Variants in GNG12 observed in about 807,000 individuals in gnomAD.
GNG12 encodes the protein guanine nucleotide-binding protein G(I)/G(S)/G(O) subunit gamma-12.
For missense variants in GNG12, 69 were observed against 83.8 expected (o/e 0.82, Z 0.69); for synonymous variants, 28 against 29.7 (o/e 0.94, Z 0.19).
chr1:67,815,123 T>C (rs1332650639), intron 1 of GNG12, among the ~76,000 whole-genome samples: 1 of 152,152 alleles, frequency 6.6e-6, no homozygotes, highest in African/African-American at 2.4e-5. Flanking sequence ...TACATGTGGA[T>C]TGGAAATTCA....
At chr1:67,753,561 T>C (rs540581185) in intron 2 of GNG12, among the ~76,000 whole-genome samples, 1 of 152,286 alleles carries the variant, frequency 6.6e-6, no homozygotes, top group African/African-American at 2.4e-5. Flanking sequence ...GCAGCCCCGA[T>C]ACCTTCCATG....
At chr1:67,773,876 T>A (rs1452392763) in intron 2 of GNG12, among the ~76,000 whole-genome samples, 1 of 152,092 alleles carries the variant, frequency 6.6e-6, no homozygotes. Flanking sequence ...GGAGGAGGGT[T>A]GTGAATATAT....
In GNG12 at chr1:67,740,916, T is replaced by C. The variant is rs567053021; in HGVS notation, c.-26-33204A>G. Among the ~76,000 whole-genome samples the C allele has an allele frequency of 1.4e-4, 22 of 152,334 alleles. No individual in the cohort carries two copies. In the South Asian group the frequency reaches 1.5e-3, roughly 10 times the overall value. ...TGTTGTTTATAAGCCATCCAATTTA[T>C]GGTATTTTTGCTGTTACAACCATGA... On this transcript the variant is annotated intron_variant, in intron 2 of 3. Coordinates refer to ENST00000370982, the MANE Select transcript of GNG12 (RefSeq NM_018841.6).
intron 2 of GNG12, chr1:67,772,555 T>C (rs1194961597): frequency 6.6e-6 from 1 of 152,236 alleles, no homozygotes; most frequent in Non-Finnish European, 1.5e-5. Context: ...CTCTCCTTTT[T>C]ATTATTTTTT....
chr1:67,795,664 T>G (rs1646827252), intron 1 of GNG12, among the ~76,000 whole-genome samples: 1 of 152,190 alleles, frequency 6.6e-6, no homozygotes, highest in Non-Finnish European at 1.5e-5. Flanking sequence ...GATACAAGGT[T>G]TATAGCAAAT....
chr1:67,830,906 A>G (rs1025741179), intron 1 of GNG12, among the ~76,000 whole-genome samples: 3 of 152,222 alleles, frequency 2.0e-5, no homozygotes, highest in African/African-American at 7.2e-5. Flanking sequence ...AATATCTAAT[A>G]ATTTTGACCA....
chr1:67,823,508 G>A (rs1451371077), intron 1 of GNG12, among the ~76,000 whole-genome samples: 3 of 152,198 alleles, frequency 2.0e-5, no homozygotes, highest in African/African-American at 7.2e-5. Flanking sequence ...AGAGATGTAT[G>A]CAAGAGGAAA....
chr1:67,806,312 T>C (rs564746636), intron 1 of GNG12, among the ~76,000 whole-genome samples: 2 of 152,208 alleles, frequency 1.3e-5, no homozygotes, highest in Non-Finnish European at 2.9e-5. Flanking sequence ...CAATGATATA[T>C]GTTTATGTGC....
intron 2 of GNG12, among the ~76,000 whole-genome samples, chr1:67,728,363 T>C (rs967532063): frequency 6.6e-6 from 1 of 152,190 alleles, no homozygotes; most frequent in Non-Finnish European, 1.5e-5. Context: ...GATTGCTCTG[T>C]CTGGTGCCTT....
chr1:67,774,320 C>T (rs1026157177), intron 2 of GNG12, among the ~76,000 whole-genome samples: 31 of 152,276 alleles, frequency 2.0e-4, no homozygotes, highest in African/African-American at 7.2e-4. Flanking sequence ...CTTTTCCTTC[C>T]CCACAGATTT....
At chr1:67,793,380 C>T (rs897380055) in intron 1 of GNG12, among the ~76,000 whole-genome samples, 4 of 152,094 alleles carry the variant, frequency 2.6e-5, no homozygotes, top group Non-Finnish European at 5.9e-5. Context: ...CTTTGATTTC[C>T]ATGTATTTCT....
intron 2 of GNG12, among the ~76,000 whole-genome samples, chr1:67,711,347 T>C (rs1017962602): frequency 6.6e-6 from 1 of 151,724 alleles, no homozygotes; most frequent in African/African-American, 2.4e-5. Flanking sequence ...ATTATGTATG[T>C]ACACACGGGA....
At chr1:67,798,782 C>T (rs1044500114) in intron 1 of GNG12, among the ~76,000 whole-genome samples, 4 of 151,986 alleles carry the variant, frequency 2.6e-5, no homozygotes, top group Non-Finnish European at 5.9e-5. Context: ...AGTGAAAGCC[C>T]GTCTCTACTA....
rs1646532006 is a variant in GNG12 at position 67,750,433 on chromosome 1, G to T, written c.-27+27025C>A. The stretch of plus-strand genomic sequence containing the variant: ...AGTTCTCAGGTTGCTTTGTATGCAG[G>T]TTTTCTCTCTCCAACGAGGTGCACG... On this transcript the variant is annotated intron_variant, in intron 2 of 3. Coordinates refer to ENST00000370982, the MANE Select transcript of GNG12 (RefSeq NM_018841.6). Among the ~76,000 whole-genome samples, 6 of 152,278 alleles carry T rather than the reference G, an allele frequency of 3.9e-5. No individual in the cohort carries two copies. The South Asian group carries it at 1.2e-3, about 32-fold the overall frequency.
chr1:67,784,375 G>A (rs186108505), intron 1 of GNG12, among the ~76,000 whole-genome samples: 2 of 150,166 alleles, frequency 1.3e-5, no homozygotes, highest in East Asian at 3.9e-4. Flanking sequence ...TAGATGACGA[G>A]TTAGTGGGTG....
intron 1 of GNG12, among the ~76,000 whole-genome samples, chr1:67,796,264 G>T (rs957948298): frequency 6.6e-6 from 1 of 152,116 alleles, no homozygotes; most frequent in Non-Finnish European, 1.5e-5. Context: ...TGAAAAGCCC[G>T]ACACACATAC....
At chr1:67,826,200 C>T (rs11209162) in intron 1 of GNG12, among the ~76,000 whole-genome samples, 41,367 of 152,082 alleles carry the variant, frequency 0.27, 5,768 homozygotes, top group Middle Eastern at 0.44. Context: ...AGAAGCAGAG[C>T]TGCTGGTAGC....
At chr1:67,827,685 A>C (rs1029933362) in intron 1 of GNG12, among the ~76,000 whole-genome samples, 4 of 134,154 alleles carry the variant, frequency 3.0e-5, no homozygotes, top group African/African-American at 1.2e-4. Context: ...TCGGCCTCCC[A>C]AAGTGCTGGG....
At chr1:67,828,456 G>A (rs1647023209) in intron 1 of GNG12, among the ~76,000 whole-genome samples, 1 of 152,200 alleles carries the variant, frequency 6.6e-6, no homozygotes, top group Non-Finnish European at 1.5e-5. Flanking sequence ...TTCTGTCCTT[G>A]CAACTTGAGC....
Sources: gnomAD v4.1 joint callset for allele counts (sites outside exome capture counted in the v4.1 genomes callset) on GRCh38, gnomAD v4.1.1 for gene constraint, MANE v1.5 for transcripts, NCBI Gene and HGNC (gene_info 2026-07-23, HGNC 2026-07-21) for gene names.